FILIP1L: variants seen among roughly 807,000 people sequenced by gnomAD.
FILIP1L encodes filamin A interacting protein 1 like.
A neutral mutation model predicts 96.6 loss-of-function variants in FILIP1L; 55 were observed. The ratio of observed to expected loss-of-function variants is 0.57; its 90% CI spans 0.46 to 0.71. The LOEUF (loss-of-function observed/expected upper bound fraction) is 0.71. Among genes scored for constraint, FILIP1L ranks in the 30% least tolerant of loss-of-function variants. The probability of loss-of-function intolerance (pLI) is 0.00; values close to 1 mark genes in which losing one functional copy is unlikely to be tolerated. For synonymous variants in FILIP1L, 467 were observed against 473.9 expected (o/e 0.99, Z 0.19); for missense variants, 1,304 against 1,321.2 (o/e 0.99, Z 0.20).
intron 1 of FILIP1L, among the ~76,000 whole-genome samples, chr3:100,102,935 C>A (rs2066334224): frequency 6.6e-6 from 1 of 152,180 alleles, no homozygotes; most frequent in African/African-American, 2.4e-5. Context: ...CAGAGCATAG[C>A]AGATTGGCAA....
chr3:99,972,870 T>C (rs775953944), intron 1 of FILIP1L, among the ~76,000 whole-genome samples: 1 of 152,240 alleles, frequency 6.6e-6, no homozygotes, highest in Non-Finnish European at 1.5e-5. Flanking sequence ...TTTTCTTTCA[T>C]GTTAGATGTA....
At chr3:100,037,653 C>G (rs1040753867) in intron 1 of FILIP1L, among the ~76,000 whole-genome samples, 1 of 152,158 alleles carries the variant, frequency 6.6e-6, no homozygotes, top group African/African-American at 2.4e-5. Context: ...TGTCCCATAT[C>G]CCCTTCTGTA....
At chr3:99,875,497 A>G (rs576172790) in intron 4 of FILIP1L, among the ~76,000 whole-genome samples, 1 of 152,328 alleles carries the variant, frequency 6.6e-6, no homozygotes, top group African/African-American at 2.4e-5. Context: ...CCTTGTACAA[A>G]TTGACATATG....
At chr3:100,066,675 G>A (rs1194617089) in intron 1 of FILIP1L, among the ~76,000 whole-genome samples, 1 of 131,228 alleles carries the variant, frequency 7.6e-6, no homozygotes, top group Non-Finnish European at 1.7e-5. Flanking sequence ...GGGACTACAG[G>A]CGCCCGCCAC....
intron 1 of FILIP1L, among the ~76,000 whole-genome samples, chr3:100,061,788 TCA>T (rs1309540642): frequency 2.6e-5 from 4 of 152,232 alleles, no homozygotes; most frequent in Non-Finnish European, 5.9e-5. Context: ...ACCCAAGGAC[TCA>T]CAGCTAGGAA....
At chr3:99,897,404 C>A (rs1225751830) in intron 4 of FILIP1L, among the ~76,000 whole-genome samples, 2 of 151,954 alleles carry the variant, frequency 1.3e-5, no homozygotes, top group Admixed American at 6.6e-5. Context: ...TGTTCTATAC[C>A]TTTGACAGTA....
intron 1 of FILIP1L, among the ~76,000 whole-genome samples, chr3:99,989,990 G>A (rs1427548865): frequency 2.6e-5 from 4 of 151,996 alleles, no homozygotes; most frequent in Non-Finnish European, 5.9e-5. Flanking sequence ...AATGCCAGTG[G>A]TTTATTTCTG....
intron 1 of FILIP1L, among the ~76,000 whole-genome samples, chr3:100,086,537 C>G (rs2066012282): frequency 6.6e-6 from 1 of 152,036 alleles, no homozygotes; most frequent in Non-Finnish European, 1.5e-5. Flanking sequence ...GCCTGTTTAC[C>G]CAAATCAAAT....
intron 4 of FILIP1L, among the ~76,000 whole-genome samples, chr3:99,900,654 A>G (rs541954876): frequency 1.8e-4 from 27 of 152,364 alleles, no homozygotes; most frequent in African/African-American, 6.0e-4. Flanking sequence ...TCCATAAAGT[A>G]CCAAATGGGC....
intron 5 of FILIP1L, among the ~76,000 whole-genome samples, chr3:99,833,760 C>T (rs1304730221): frequency 6.6e-6 from 1 of 152,192 alleles, no homozygotes; most frequent in Non-Finnish European, 1.5e-5. Context: ...TCCCAGAGAC[C>T]TCTGGTCATT....
At chr3:99,882,596 T>C (rs1195011239) in intron 4 of FILIP1L, among the ~76,000 whole-genome samples, 2 of 152,200 alleles carry the variant, frequency 1.3e-5, no homozygotes, top group East Asian at 3.8e-4. Flanking sequence ...CATTTTTAAA[T>C]AGATGAGATA....
rs923066942 is a variant in FILIP1L at position 99,896,103 on chromosome 3, GA to G, written c.605+28126del. On this transcript the variant is annotated intron_variant, in intron 4 of 5. Coordinates refer to ENST00000477258, the MANE Select transcript of FILIP1L (RefSeq NM_001387850.1). Reference sequence around the variant, plus strand: ...TTCACATATGTGGAATAAACTTTTAGAAAAAAAAAAGGAAGTTAAGGGAAAA... The same window carrying G: ...TTCACATATGTGGAATAAACTTTTAGAAAAAAAAAGGAAGTTAAGGGAAAA... 4.4e-3 allele frequency among the ~76,000 whole-genome samples: 654 copies of G among 147,108 alleles called. 4 individuals are homozygous for G. Among genetic ancestry groups the G allele is most frequent in the African/African-American group, 0.015 (613 of 40,220 alleles).
intron 5 of FILIP1L, among the ~76,000 whole-genome samples, chr3:99,839,113 A>T (rs1311111352): frequency 6.6e-6 from 1 of 151,934 alleles, no homozygotes; most frequent in Non-Finnish European, 1.5e-5. Context: ...AGTCTTCCCC[A>T]TCCTGTATCC....
In FILIP1L at chr3:99,924,459, G is replaced by T. The variant is rs369254896; in HGVS notation, c.427-51C>A. ...GTTACCAAATTGTTTATATACTGTT[G>T]TCTTTCACTCTTTTAGAAATGTCCC... On this transcript the variant is annotated intron_variant, in intron 3 of 5. Transcript: ENST00000477258. 6 of 1,513,162 alleles carry T rather than the reference G, an allele frequency of 4.0e-6. No individual in the cohort carries two copies. The African/African-American group carries it at 5.6e-5, about 14-fold the overall frequency. The allele number at this position is 1,513,162 out of a possible 1,614,324, so 93.7% of individuals were successfully genotyped here. A position where few individuals can be genotyped will look rare whatever the true frequency, so the allele number is the denominator to read the frequency against.
At chr3:99,967,871 G>A (rs993118134) in intron 1 of FILIP1L, among the ~76,000 whole-genome samples, 1 of 152,194 alleles carries the variant, frequency 6.6e-6, no homozygotes, top group African/African-American at 2.4e-5. Context: ...GCTCAGGAAA[G>A]TTAACCTGGT....
rs559742179 is a variant in FILIP1L at position 100,073,378 on chromosome 3, C to G, written c.-11+40675G>C. 1.6e-3 allele frequency among the ~76,000 whole-genome samples: 240 copies of G among 152,252 alleles called. 1 individual carries two copies. Among genetic ancestry groups the G allele is most frequent in the Non-Finnish European group, 2.9e-3 (198 of 68,024 alleles). On this transcript the variant is annotated intron_variant, in intron 1 of 5. Coordinates refer to ENST00000477258, the MANE Select transcript of FILIP1L (RefSeq NM_001387850.1). ...ACAAAAAAAGTTTGCTGGCCCAGGACAGCAAAATGAAGCAAGCTGTCCTGT... is the reference window on the plus strand; with the variant it reads ...ACAAAAAAAGTTTGCTGGCCCAGGAGAGCAAAATGAAGCAAGCTGTCCTGT...
chr3:99,881,117 G>GA (rs1450771773), intron 4 of FILIP1L, among the ~76,000 whole-genome samples: 3 of 152,120 alleles, frequency 2.0e-5, no homozygotes, highest in Non-Finnish European at 2.9e-5. Context: ...CTGTTGGTAA[G>GA]AGACTTCCTA....
At chr3:99,902,131 C>A (rs988347649) in intron 4 of FILIP1L, among the ~76,000 whole-genome samples, 5 of 152,202 alleles carry the variant, frequency 3.3e-5, no homozygotes, top group African/African-American at 1.2e-4. Context: ...TAGAAATATT[C>A]ATGATGTTAT....
intron 1 of FILIP1L, among the ~76,000 whole-genome samples, chr3:99,950,285 T>C (rs1708137568): frequency 6.6e-6 from 1 of 152,238 alleles, no homozygotes; most frequent in African/African-American, 2.4e-5. Context: ...ATGATAGTTA[T>C]ACCAGAGCTC....
Sources: gnomAD v4.1 joint callset for allele counts (sites outside exome capture counted in the v4.1 genomes callset) on GRCh38, gnomAD v4.1.1 for gene constraint, MANE v1.5 for transcripts, NCBI Gene and HGNC (gene_info 2026-07-23, HGNC 2026-07-21) for gene names.